The following PARP15 variants were observed in gnomAD, a reference collection of about 807,000 sequenced individuals.
PARP15 encodes protein mono-ADP-ribosyltransferase PARP15.
PARP15 carries 50 observed loss-of-function variants against 62.1 expected under a neutral mutation model. The observed-to-expected ratio is 0.81, with a 90% CI of 0.64 to 1.02. PARP15 has a LOEUF of 1.02. Among genes scored for constraint, PARP15 ranks in the 50% least tolerant of loss-of-function variants. PARP15 has a pLI of 0.00. For synonymous variants in PARP15, 309 were observed against 293.1 expected (o/e 1.05, Z -0.55); for missense variants, 820 against 826.5 (o/e 0.99, Z 0.10).
chr3:122,621,969 T>A (rs1936381260), intron 8 of PARP15, among the ~76,000 whole-genome samples: 1 of 152,194 alleles, frequency 6.6e-6, no homozygotes, highest in Non-Finnish European at 1.5e-5. Flanking sequence ...TGGCAAATAT[T>A]TGTATTTTTT....
At position 122,577,864 on chromosome 3, in the gene PARP15, CG is replaced by C. The variant is rs1320420625; in HGVS notation, c.186+16del. 4 of 1,535,862 alleles carry C rather than the reference CG, an allele frequency of 2.6e-6. No individual in the cohort carries two copies. The African/African-American group carries it at 5.5e-5, about 21-fold the overall frequency. On this transcript the variant is annotated intron_variant, in intron 1 of 11. Transcript: ENST00000464300. ...TCCTCCCGGAGTATGGTGAGGAGCGCGGGGGACGGGTGCGGGAAGGGGACAG... is the reference window on the plus strand; with the variant it reads ...TCCTCCCGGAGTATGGTGAGGAGCGCGGGGACGGGTGCGGGAAGGGGACAG...
intron 1 of PARP15, among the ~76,000 whole-genome samples, chr3:122,589,562 T>C (rs1933707157): frequency 6.6e-6 from 1 of 152,228 alleles, no homozygotes; most frequent in African/African-American, 2.4e-5. Flanking sequence ...TTTTTCATTT[T>C]AGTCATTCTA....
In PARP15 at chr3:122,584,889, T is replaced by C. The variant is rs370645930; in HGVS notation, c.186+7036T>C. On this transcript the variant is annotated intron_variant, in intron 1 of 11. Coordinates refer to ENST00000464300, the MANE Select transcript of PARP15 (RefSeq NM_001113523.3). ...TACCACGCCGGGCCCATTTCCATTT[T>C]TCAAGAGATTTTGTTAGGAATCGGT... 4.6e-5 allele frequency among the ~76,000 whole-genome samples: 7 copies of C among 152,208 alleles called. No homozygotes were observed. The East Asian group carries it at 7.7e-4, about 17-fold the overall frequency.
Position 122,610,565 on chromosome 3 carries a change from G to T in PARP15, c.378G>T (p.Leu126Phe). 3 of 1,551,708 alleles carry T rather than the reference G, an allele frequency of 1.9e-6. No homozygotes were observed. Among genetic ancestry groups the T allele is most frequent in the Non-Finnish European group, 2.6e-6 (3 of 1,147,012 alleles). Reference protein sequence around the residue: ...LGGGPLSRAFLQKAGPMLQKE... With the variant: ...LGGGPLSRAFFQKAGPMLQKE... ...GAGGACCACTATCTCGGGCATTTTT[G>T]CAGAAAGCTGGTCCCATGCTCCAGA... The change falls in exon 3 of 12, where the codon TTG becomes TTT. Residue 126 changes from leucine (L) to phenylalanine (F), a missense_variant. By Grantham distance (22) the Leu-to-Phe change is conservative. Around this residue, in one of 3 missense-constraint regions of PARP15, gnomAD observed 731 missense variants for 727.7 expected, o/e 1.00. Transcript: ENST00000464300.
At chr3:122,592,485 C>A (rs1934002840) in intron 1 of PARP15, among the ~76,000 whole-genome samples, 1 of 152,052 alleles carries the variant, frequency 6.6e-6, no homozygotes, top group South Asian at 2.1e-4. Context: ...ATAGCTAATG[C>A]ACACTGGGCT....
intron 1 of PARP15, among the ~76,000 whole-genome samples, chr3:122,592,724 T>C (rs1934023294): frequency 6.6e-6 from 1 of 152,172 alleles, no homozygotes; most frequent in African/African-American, 2.4e-5. Flanking sequence ...TTTAATCTTC[T>C]TACAAGGCAA....
chr3:122,613,666 A>G (rs1288222927), intron 4 of PARP15, among the ~76,000 whole-genome samples: 3 of 152,212 alleles, frequency 2.0e-5, no homozygotes, highest in Non-Finnish European at 4.4e-5. Context: ...TCTACAAACT[A>G]GAAATAGCAG....
At chr3:122,613,712 A>T (rs1935738129) in intron 4 of PARP15, among the ~76,000 whole-genome samples, 1 of 152,126 alleles carries the variant, frequency 6.6e-6, no homozygotes. Flanking sequence ...GTCAAGGCAC[A>T]CTAACTAAGT....
chr3:122,579,886 G>A (rs1174450861), intron 1 of PARP15, among the ~76,000 whole-genome samples: 1 of 150,924 alleles, frequency 6.6e-6, no homozygotes, highest in Non-Finnish European at 1.5e-5. Context: ...GGCTGAGGTA[G>A]GAGAATTGCT....
chr3:122,619,992 G>A, intron 7 of PARP15, 149 bp downstream of exon 7: 1 of 707,520 alleles, frequency 1.4e-6, no homozygotes, highest in South Asian at 1.6e-5. Flanking sequence ...GGCAGAGGTG[G>A]TGGAACTTGG....
At chr3:122,577,880 G>A (rs1257355989) in intron 1 of PARP15, 27 bp downstream of exon 1, 4 of 1,523,358 alleles carry the variant, frequency 2.6e-6, no homozygotes, top group African/African-American at 1.4e-5. Flanking sequence ...ACGGGTGCGG[G>A]AAGGGGACAG....
intron 1 of PARP15, among the ~76,000 whole-genome samples, chr3:122,578,452 T>C (rs1165306757): frequency 1.3e-5 from 2 of 152,214 alleles, no homozygotes; most frequent in Non-Finnish European, 2.9e-5. Context: ...TTTTTTCAAA[T>C]GGGTATCAAG....
At chr3:122,612,587 C>T (rs370670149) in intron 3 of PARP15, among the ~76,000 whole-genome samples, 4 of 152,118 alleles carry the variant, frequency 2.6e-5, no homozygotes, top group East Asian at 1.9e-4. Flanking sequence ...CAGGCGCCTG[C>T]CACCACGCCT....
chr3:122,610,842 GGTT>G (rs1284483716), intron 3 of PARP15, 112 bp downstream of exon 3: 1 of 853,494 alleles, frequency 1.2e-6, no homozygotes, highest in East Asian at 2.8e-5. Flanking sequence ...AGGACAGTTG[GGTT>G]GTTACAACTG....
chr3:122,595,364 C>T (rs1934254480), intron 1 of PARP15, among the ~76,000 whole-genome samples: 1 of 151,788 alleles, frequency 6.6e-6, no homozygotes, highest in African/African-American at 2.4e-5. Flanking sequence ...TCCACCAAAG[C>T]TGTTCTTGTC....
intron 1 of PARP15, 114 bp downstream of exon 1, chr3:122,577,967 T>G: frequency 1.3e-5 from 15 of 1,156,176 alleles, no homozygotes; most frequent in Non-Finnish European, 1.7e-5. Context: ...CAACCCTCTC[T>G]TCTAGGGGGC....
At chr3:122,598,941 G>T (rs1934573429) in intron 1 of PARP15, among the ~76,000 whole-genome samples, 1 of 151,990 alleles carries the variant, frequency 6.6e-6, no homozygotes, top group African/African-American at 2.4e-5. Flanking sequence ...ACCCTGGAGT[G>T]CAGGAGTGCA....
intron 6 of PARP15, among the ~76,000 whole-genome samples, chr3:122,617,617 G>A (rs565121703): frequency 3.3e-5 from 5 of 152,164 alleles, no homozygotes; most frequent in South Asian, 2.1e-4. Context: ...GAAATGAAAC[G>A]CAACCGTTTT....
chr3:122,606,055 G>A lies in PARP15; in HGVS notation c.306G>A (p.Trp102Ter). 1 of 1,551,316 alleles carries A rather than the reference G, an allele frequency of 6.4e-7. No individual in the cohort carries two copies. Among genetic ancestry groups the A allele is most frequent in the African/African-American group, 1.4e-5 (1 of 73,126 alleles). ...TAAGTGGAGATGTTCTGTACATCTG[G>A]GTAGGTGATGCCATTTAATAAATCT... The part of the protein sequence containing the change: ...KLISGDVLYI[W>*]ADVIVNSVPM... The change falls in exon 2 of 12, where the codon TGG becomes TGA. Residue 102 changes from tryptophan to a stop codon, truncating the protein, a stop_gained and splice_region_variant. Coordinates refer to ENST00000464300, the MANE Select transcript of PARP15 (RefSeq NM_001113523.3). LOFTEE classifies it high-confidence loss of function.
Sources: allele counts gnomAD v4.1 joint callset (sites outside exome capture counted in the v4.1 genomes callset), GRCh38; gene constraint gnomAD v4.1.1; regional missense constraint gnomAD v4.1.1; transcripts MANE v1.5; gene names NCBI Gene and HGNC (gene_info 2026-07-23, HGNC 2026-07-21).